Variants in CDKL3 observed in about 807,000 individuals in gnomAD.
The protein encoded by CDKL3 is cyclin dependent kinase like 3, also known as cyclin-dependent kinase-like 3.
In CDKL3, 65 loss-of-function variants were observed where a neutral mutation model predicts 69.3. The ratio of observed to expected loss-of-function variants is 0.94; its 90% confidence interval spans 0.77 to 1.15. The LOEUF (loss-of-function observed/expected upper bound fraction) is 1.15. Ranked by LOEUF, CDKL3 falls within the 50% of genes most tolerant of loss-of-function variation. The pLI, the probability that CDKL3 is intolerant of heterozygous loss-of-function variation, is 0.00. For missense variants in CDKL3, 652 were observed against 689.2 expected (o/e 0.95, Z 0.61); for synonymous variants, 202 against 221.6 (o/e 0.91, Z 0.79).
At chr5:134,290,358 A>G (rs1330377496) in intron 8 of CDKL3, among the ~76,000 whole-genome samples, 1 of 150,884 alleles carries the variant, frequency 6.6e-6, no homozygotes, top group Non-Finnish European at 1.5e-5. Context: ...TGTCTCAAAA[A>G]AAAAAAAAAA....
At chr5:134,317,521 G>A (rs1233073354) in intron 6 of CDKL3, among the ~76,000 whole-genome samples, 1 of 152,140 alleles carries the variant, frequency 6.6e-6, no homozygotes, top group African/African-American at 2.4e-5. Flanking sequence ...TACTTTCAGA[G>A]GCCAAGGAGG....
upstream of CDKL3, chr5:134,371,585 A>G (rs752678066): frequency 2.5e-6 from 4 of 1,611,188 alleles, no homozygotes; most frequent in Non-Finnish European, 2.5e-6. Flanking sequence ...ACCGCGGGGC[A>G]GCTGCGGAGC....
intron 4 of CDKL3, among the ~76,000 whole-genome samples, 177 bp from the exon 5 acceptor site, chr5:134,322,080 C>T (rs1172112865): frequency 1.3e-5 from 2 of 152,074 alleles, no homozygotes; most frequent in Admixed American, 1.3e-4. Flanking sequence ...AGTGCAAGTG[C>T]TGCAATCTCA....
chr5:134,363,672 G>A (rs980275192), intron 2 of CDKL3, among the ~76,000 whole-genome samples: 3 of 151,984 alleles, frequency 2.0e-5, no homozygotes, highest in African/African-American at 7.2e-5. Flanking sequence ...TGTTGCCCAG[G>A]CTGGTCTCGA....
rs541827235 is a variant in CDKL3 at position 134,362,280 on chromosome 5, T to C, written c.166-2189A>G. On this transcript the variant is annotated intron_variant, in intron 2 of 12. Transcript: ENST00000265334. Reference sequence around the variant, plus strand: ...CACTTCTATAATCCCAGCACTTTGGTAGGCCAAGGCAGGCGGATCACCTGA... The same window carrying C: ...CACTTCTATAATCCCAGCACTTTGGCAGGCCAAGGCAGGCGGATCACCTGA... Among the ~76,000 whole-genome samples the C allele has an allele frequency of 2.6e-4, 40 of 152,230 alleles. 1 individual carries two copies. The South Asian group carries it at 7.7e-3, about 29-fold the overall frequency.
intron 10 of CDKL3, 32 bp downstream of exon 10, chr5:134,306,577 G>T (rs1179851944): frequency 8.4e-7 from 1 of 1,187,500 alleles, no homozygotes; most frequent in African/African-American, 1.5e-5. Context: ...GTTAAAAGAG[G>T]CCATATTTTA....
At chr5:134,364,909 C>T (rs1757040165) in intron 2 of CDKL3, among the ~76,000 whole-genome samples, 1 of 151,422 alleles carries the variant, frequency 6.6e-6, no homozygotes, top group Non-Finnish European at 1.5e-5. Flanking sequence ...TGGGTTTGAG[C>T]GATTGTCGTG....
At chr5:134,303,959 G>C (rs1292786696) in intron 11 of CDKL3, among the ~76,000 whole-genome samples, 1 of 150,734 alleles carries the variant, frequency 6.6e-6, no homozygotes, top group Non-Finnish European at 1.5e-5. Flanking sequence ...TAGAGACAGG[G>C]TCTCATTATG....
intron 8 of CDKL3, among the ~76,000 whole-genome samples, chr5:134,287,562 A>T (rs761938480): frequency 2.0e-5 from 3 of 152,116 alleles, no homozygotes; most frequent in African/African-American, 4.8e-5. Context: ...AGATTTCAAG[A>T]CCTAGCCAAT....
rs141057036 is a variant in CDKL3 at position 134,325,558 on chromosome 5, T to C, written c.540-3655A>G. Among the ~76,000 whole-genome samples the C allele has an allele frequency of 3.8e-3, 583 of 152,280 alleles. 5 individuals carry two copies. Among genetic ancestry groups the C allele is most frequent in the African/African-American group, 0.013 (524 of 41,554 alleles). On this transcript the variant is annotated intron_variant, in intron 4 of 12. Transcript: ENST00000265334. Reference sequence around the variant, plus strand: ...CAGTTTTCCAGAGAGATTGTACAAGTTTACATTTCCCCACCAGTGTTATGT... The same window carrying C: ...CAGTTTTCCAGAGAGATTGTACAAGCTTACATTTCCCCACCAGTGTTATGT...
At chr5:134,370,301 A>G (rs1758226949), upstream of CDKL3, among the ~76,000 whole-genome samples, 1 of 152,238 alleles carries the variant, frequency 6.6e-6, no homozygotes. Flanking sequence ...GACGGTGACC[A>G]CAGAAAATAT....
chr5:134,293,306 C>T (rs1765209034), intron 8 of CDKL3, among the ~76,000 whole-genome samples: 1 of 151,996 alleles, frequency 6.6e-6, no homozygotes, highest in South Asian at 2.1e-4. Context: ...AGGTGTGAGC[C>T]ACCACGCCTG....
At chr5:134,330,028 A>G (rs1775388309) in intron 4 of CDKL3, among the ~76,000 whole-genome samples, 1 of 151,452 alleles carries the variant, frequency 6.6e-6, no homozygotes, top group African/African-American at 2.4e-5. Context: ...AAAATTAATA[A>G]TAATAATAAT....
intron 11 of CDKL3, among the ~76,000 whole-genome samples, chr5:134,303,237 A>G (rs1766809742): frequency 6.6e-6 from 1 of 151,958 alleles, no homozygotes; most frequent in South Asian, 2.1e-4. Context: ...GATTACAGGC[A>G]TGAGCCACCA....
intron 4 of CDKL3, among the ~76,000 whole-genome samples, chr5:134,329,555 C>T (rs1282942633): frequency 2.0e-5 from 3 of 151,542 alleles, no homozygotes; most frequent in African/African-American, 4.8e-5. Flanking sequence ...CTGCAAGCTC[C>T]GCTTCCTGGG....
intron 3 of CDKL3, among the ~76,000 whole-genome samples, chr5:134,351,247 G>C (rs1278525446): frequency 6.6e-6 from 1 of 152,082 alleles, no homozygotes; most frequent in Non-Finnish European, 1.5e-5. Context: ...TAGGGTCCTT[G>C]TCTTAGGCTT....
intron 10 of CDKL3, among the ~76,000 whole-genome samples, chr5:134,304,803 T>C (rs932829493): frequency 3.4e-5 from 5 of 147,966 alleles, no homozygotes; most frequent in African/African-American, 1.3e-4. Flanking sequence ...GTCTTGGTCA[T>C]GAGAACCACA....
At chr5:134,319,611 G>A in intron 5 of CDKL3, 114 bp from the exon 6 acceptor site, 1 of 911,548 alleles carries the variant, frequency 1.1e-6, no homozygotes, top group East Asian at 3.2e-5. Flanking sequence ...AAGGAAGAAT[G>A]TGAATTATGT....
Position 134,366,368 on chromosome 5 carries a change from C to CT in CDKL3, c.155dup (p.Phe53ValfsTer15), listed in dbSNP as rs760781387. 6.4e-7 allele frequency: 1 copy of CT among 1,565,470 alleles called. No homozygotes were observed. The highest frequency in any genetic ancestry group is 8.6e-7 in the Non-Finnish European group (1 of 1,160,070). On this transcript the variant is annotated frameshift_variant, in exon 2 of 13. Coordinates refer to ENST00000265334, the MANE Select transcript of CDKL3 (RefSeq NM_001113575.2). LOFTEE classifies it high-confidence loss of function. ...GGCAAAAGAAGCAAACCTTTAGAAA[C>CT]TTTATTTCTCTCATCGCAATTTTGT...
Sources: allele counts gnomAD v4.1 joint callset (sites outside exome capture counted in the v4.1 genomes callset), GRCh38; gene constraint gnomAD v4.1.1; transcripts MANE v1.5; gene names NCBI Gene and HGNC (gene_info 2026-07-23, HGNC 2026-07-21).